PCDHGB3: variants seen among roughly 807,000 people sequenced by gnomAD.
The protein encoded by PCDHGB3 is protocadherin gamma subfamily B, 3.
Under a neutral mutation model 59.2 loss-of-function variants are expected in PCDHGB3, and 40 were observed. That is an observed-to-expected ratio of 0.68 (90% CI 0.52 to 0.88). The LOEUF is 0.88. Among genes scored for constraint, PCDHGB3 ranks in the 40% least tolerant of loss-of-function variants. The pLI, the probability that PCDHGB3 is intolerant of heterozygous loss-of-function variation, is 0.00. For missense variants in PCDHGB3, 1,309 were observed against 1,187.9 expected, an observed-to-expected ratio of 1.10 and a Z score of -1.50; for synonymous variants, 581 against 503.6, an observed-to-expected ratio of 1.15 and a Z score of -2.06.
intron 2 of PCDHGB3, among the ~76,000 whole-genome samples, chr5:141,496,392 C>T (rs6879760): frequency 0.064 from 9,762 of 152,240 alleles, 510 homozygotes; most frequent in African/African-American, 0.15. Context: ...CCTTACCCTA[C>T]CTCCTCAATG....
In PCDHGB3 at chr5:141,432,853, C is replaced by A. The variant is rs748301578; in HGVS notation, c.2415+60044C>A. 1.1e-5 allele frequency: 17 copies of A among 1,614,176 alleles called. No homozygotes were observed. Among genetic ancestry groups the A allele is most frequent in the East Asian group, 4.5e-5 (2 of 44,874 alleles). On this transcript the variant is annotated intron_variant, in intron 1 of 3. Transcript: ENST00000576222. The surrounding 1 kb of genome is among the most constrained non-coding windows in gnomAD (Gnocchi z 6.0). ...CTCTGTACCTGGTGGTAGCGGTGGC[C>A]GCGGTCTCCTGCGTCTTCCTGGCCT...
chr5:141,476,551 C>A lies in PCDHGB3; in HGVS notation c.2416-18256C>A, dbSNP rs367700651. 6.2e-7 allele frequency: 1 copy of A among 1,614,196 alleles called. No individual in the cohort carries two copies. The highest frequency in any genetic ancestry group is 1.7e-5 in the Admixed American group (1 of 60,028). ...CCCAGGAAATGAAATTGGAGATTAG[C>A]GAGGCCGTGGCTCCGGGGACGCGCT... On this transcript the variant is annotated intron_variant, in intron 1 of 3. Transcript: ENST00000576222. This position sits in a 1 kb window ranked among gnomAD's most constrained non-coding sequence, Gnocchi z 7.6.
At chr5:141,451,060 C>T (rs1241509553) in intron 1 of PCDHGB3, among the ~76,000 whole-genome samples, 1 of 151,562 alleles carries the variant, frequency 6.6e-6, no homozygotes, top group African/African-American at 2.4e-5. Context: ...GAACTCCTGA[C>T]CTTGTGATCC....
chr5:141,385,231 A>G (rs1781024340), intron 1 of PCDHGB3: 1 of 1,614,136 alleles, frequency 6.2e-7, no homozygotes, highest in Non-Finnish European at 8.5e-7. Flanking sequence ...CTATGTAGAC[A>G]TGCTCATCAG....
chr5:141,393,690 C>T (rs779487285), intron 1 of PCDHGB3: 4 of 1,613,752 alleles, frequency 2.5e-6, no homozygotes, highest in Non-Finnish European at 2.5e-6. Context: ...TCCGTTATTC[C>T]AGCTTAATGA....
chr5:141,404,681 C>T, intron 1 of PCDHGB3: 1 of 1,614,092 alleles, frequency 6.2e-7, no homozygotes, highest in Non-Finnish European at 8.5e-7. Context: ...TGGTGTGGAG[C>T]TGGCACCCCG....
chr5:141,432,992 G>A lies in PCDHGB3; in HGVS notation c.2415+60183G>A, dbSNP rs777975384. On this transcript the variant is annotated intron_variant, in intron 1 of 3. Coordinates refer to ENST00000576222, the MANE Select transcript of PCDHGB3 (RefSeq NM_018924.5). The surrounding 1 kb of genome is among the most constrained non-coding windows in gnomAD (Gnocchi z 6.0). The stretch of plus-strand genomic sequence containing the variant: ...GGCGTCGCACTTTGTGGGCGTGGAC[G>A]GGGTGCAGGCTTTCCTGCAGACCTA... 1.9e-6 allele frequency: 3 copies of A among 1,614,174 alleles called. No homozygotes were observed. In the Admixed American group the frequency reaches 5.0e-5, roughly 27 times the overall value.
intron 1 of PCDHGB3, among the ~76,000 whole-genome samples, chr5:141,473,965 A>C (rs925515548): frequency 1.1e-4 from 16 of 152,206 alleles, no homozygotes; most frequent in African/African-American, 3.9e-4. Flanking sequence ...TCTACTTAGA[A>C]GTCTGAGGCG....
intron 1 of PCDHGB3, among the ~76,000 whole-genome samples, chr5:141,448,393 A>G (rs190525499): frequency 6.6e-6 from 1 of 152,306 alleles, no homozygotes; most frequent in Admixed American, 6.5e-5. Flanking sequence ...ATACATTTAC[A>G]TGGTTTTAAA....
Position 141,491,244 on chromosome 5 carries a change from T to A in PCDHGB3, c.2416-3563T>A. 1 of 1,614,210 alleles carries A rather than the reference T, an allele frequency of 6.2e-7. No individual in the cohort carries two copies. Among genetic ancestry groups the A allele is most frequent in the Non-Finnish European group, 8.5e-7 (1 of 1,180,024 alleles). On this transcript the variant is annotated intron_variant, in intron 1 of 3. Coordinates refer to ENST00000576222, the MANE Select transcript of PCDHGB3 (RefSeq NM_018924.5). This position sits in a 1 kb window ranked among gnomAD's most constrained non-coding sequence, Gnocchi z 6.9. ...CCACAGTGCTGCTGGTTCTGGAGGA[T>A]GAGGACCCTGAGGAAATGCCCAAAT...
Position 141,431,669 on chromosome 5 carries a change from A to G in PCDHGB3, c.2415+58860A>G, listed in dbSNP as rs2154554523. ...TTGTAATTCAGGGACAATATCAACA[A>G]TAGGGGAGTTGGACCACGAGGAGTC... On this transcript the variant is annotated intron_variant, in intron 1 of 3. Transcript: ENST00000576222. The surrounding 1 kb of genome is among the most constrained non-coding windows in gnomAD (Gnocchi z 4.8). 2 of 1,614,210 alleles carry G rather than the reference A, an allele frequency of 1.2e-6. No individual in the cohort carries two copies. Among genetic ancestry groups the G allele is most frequent in the South Asian group, 1.1e-5 (1 of 91,084 alleles).
intron 1 of PCDHGB3, chr5:141,398,705 A>G (rs778909536): frequency 6.2e-7 from 1 of 1,613,874 alleles, no homozygotes; most frequent in Admixed American, 1.7e-5. Flanking sequence ...AAATACCCGG[A>G]ACTGGCACTG....
rs1177814811 is a variant in PCDHGB3 at position 141,511,841 on chromosome 5, CTGTTT to C, written c.*675_*679del. The C allele has an allele frequency of 3.2e-5, 5 of 156,826 alleles. No homozygotes were observed. Among genetic ancestry groups the C allele is most frequent in the African/African-American group, 4.8e-5 (2 of 41,458 alleles). The allele number at this position is 156,826 out of a possible 1,614,324, so 9.7% of individuals were successfully genotyped here. ...TCCCAACGCCCTGGGGACCAGTCTT[CTGTTT>C]TGTTTTTCATTGTTTGACGTTTCCA... On this transcript the variant is annotated 3_prime_UTR_variant, in exon 4 of 4. Coordinates refer to ENST00000576222, the MANE Select transcript of PCDHGB3 (RefSeq NM_018924.5).
intron 1 of PCDHGB3, 124 bp from the exon 2 acceptor site, chr5:141,494,683 C>G: frequency 6.4e-7 from 1 of 1,569,074 alleles, no homozygotes; most frequent in Non-Finnish European, 8.7e-7. Context: ...CCCCTGCCCC[C>G]TCTTAGTCCG....
chr5:141,428,513 AAAG>A (rs891793310), intron 1 of PCDHGB3: 2 of 280,938 alleles, frequency 7.1e-6, no homozygotes, highest in Non-Finnish European at 1.4e-5. Context: ...GATTCTAGAA[AAAG>A]AAGATTTAAT....
chr5:141,381,820 C>CTTTCT (rs1279410534), intron 1 of PCDHGB3, among the ~76,000 whole-genome samples: 20 of 119,922 alleles, frequency 1.7e-4, no homozygotes, highest in African/African-American at 3.7e-4. Flanking sequence ...TTCTTTCTTT[C>CTTTCT]TTCTTCTTTT....
At chr5:141,507,286 TC>T in intron 3 of PCDHGB3, 1 of 149,886 alleles carries the variant, frequency 6.7e-6, no homozygotes, top group East Asian at 1.9e-4. Context: ...TAAGTCAGTC[TC>T]AAATGTTGCA....
intron 1 of PCDHGB3, chr5:141,404,062 T>G: frequency 6.2e-7 from 1 of 1,613,906 alleles, no homozygotes; most frequent in African/African-American, 1.3e-5. Flanking sequence ...TTCTTTTCAA[T>G]GCTCATGACC....
chr5:141,441,838 C>T, intron 1 of PCDHGB3: 4 of 355,582 alleles, frequency 1.1e-5, no homozygotes, highest in South Asian at 9.6e-5. Flanking sequence ...TGGCTTCGCG[C>T]TCTTGGATAT....
Sources: allele counts gnomAD v4.1 joint callset (sites outside exome capture counted in the v4.1 genomes callset), GRCh38; gene constraint gnomAD v4.1.1; non-coding constraint Gnocchi (gnomAD v3.1); transcripts MANE v1.5; gene names NCBI Gene and HGNC (gene_info 2026-07-23, HGNC 2026-07-21).